The following DCC variants were observed in gnomAD, a reference collection of about 807,000 sequenced individuals.
DCC encodes the protein netrin receptor DCC.
In DCC, 58 loss-of-function variants were observed where a neutral mutation model predicts 172.5. The ratio of observed to expected loss-of-function variants is 0.34; its 90% CI spans 0.27 to 0.42. The LOEUF (loss-of-function observed/expected upper bound fraction) is 0.42, where lower values mean the gene tolerates loss of function less well. DCC is among the 10% of genes least tolerant of loss of function. The pLI is 1.00. For missense variants in DCC, 1,740 were observed against 1,791.0 expected (o/e 0.97, Z 0.51); for synonymous variants, 709 against 644.5 (o/e 1.10, Z -1.52).
In DCC at chr18:53,060,484, G is replaced by T. The variant is rs538331361; in HGVS notation, c.986-2821G>T. On this transcript the variant is annotated intron_variant, in intron 5 of 28. Coordinates refer to ENST00000442544, the MANE Select transcript of DCC (RefSeq NM_005215.4). ...TATCAAGATAGCCAGAGAAGACAAG[G>T]TGTCCAGTGTGATGACGGAAGCCTA... Among the ~76,000 whole-genome samples, 8 of 152,268 alleles carry T rather than the reference G, an allele frequency of 5.3e-5. No homozygotes were observed. The South Asian group carries it at 1.7e-3, about 32-fold the overall frequency.
chr18:53,406,770 G>A (rs544116380), intron 19 of DCC, among the ~76,000 whole-genome samples: 2 of 150,002 alleles, frequency 1.3e-5, no homozygotes, highest in Middle Eastern at 3.5e-3. Context: ...TGAGAAACCA[G>A]TACATTTGTT....
intron 5 of DCC, among the ~76,000 whole-genome samples, chr18:53,001,308 A>G (rs752181036): frequency 2.0e-5 from 3 of 152,116 alleles, no homozygotes; most frequent in African/African-American, 7.2e-5. Context: ...CTTTATGTCT[A>G]GATGTGAACT....
At chr18:53,060,408 C>A (rs1465874758) in intron 5 of DCC, among the ~76,000 whole-genome samples, 1 of 151,998 alleles carries the variant, frequency 6.6e-6, no homozygotes. Context: ...TTTTCCCTTG[C>A]CTGCTGTCTG....
At chr18:53,464,474 C>T (rs535536421) in intron 24 of DCC, among the ~76,000 whole-genome samples, 4 of 152,072 alleles carry the variant, frequency 2.6e-5, no homozygotes, top group African/African-American at 9.6e-5. Context: ...CTCATTTGGA[C>T]CAATGGTAAA....
At chr18:52,360,675 TA>T (rs938474611) in intron 1 of DCC, among the ~76,000 whole-genome samples, 4 of 152,168 alleles carry the variant, frequency 2.6e-5, no homozygotes, top group Non-Finnish European at 5.9e-5. Context: ...GTGCATGATT[TA>T]AAAAAATCAG....
At chr18:53,508,755 G>A (rs1223411520) in intron 27 of DCC, among the ~76,000 whole-genome samples, 6 of 152,126 alleles carry the variant, frequency 3.9e-5, no homozygotes, top group Non-Finnish European at 7.3e-5. Flanking sequence ...TATGAGAGAC[G>A]GTGAGCAGAG....
intron 26 of DCC, among the ~76,000 whole-genome samples, chr18:53,489,065 A>AG (rs896835686): frequency 6.6e-6 from 1 of 151,482 alleles, no homozygotes; most frequent in Non-Finnish European, 1.5e-5. Flanking sequence ...AGGCTGAGGC[A>AG]GAAAAAAAAA....
chr18:53,360,811 C>A (rs1447267314), intron 15 of DCC, among the ~76,000 whole-genome samples: 1 of 152,138 alleles, frequency 6.6e-6, no homozygotes, highest in Admixed American at 6.6e-5. Flanking sequence ...CTTCTACAAG[C>A]ATTTAGGGGA....
At chr18:52,662,760 A>C (rs992540524) in intron 1 of DCC, among the ~76,000 whole-genome samples, 3 of 152,244 alleles carry the variant, frequency 2.0e-5, no homozygotes, top group Non-Finnish European at 4.4e-5. Context: ...CTATAACAAA[A>C]TAGCATAAAC....
At chr18:52,860,795 C>T (rs563349340) in intron 2 of DCC, among the ~76,000 whole-genome samples, 30 of 152,008 alleles carry the variant, frequency 2.0e-4, no homozygotes, top group Non-Finnish European at 3.8e-4. Flanking sequence ...GTCAGGAGAC[C>T]GAGACCATCC....
At chr18:52,826,536 A>G (rs1885126882) in intron 2 of DCC, among the ~76,000 whole-genome samples, 1 of 152,046 alleles carries the variant, frequency 6.6e-6, no homozygotes, top group Admixed American at 6.6e-5. Context: ...GCTGGAGTGC[A>G]GTAGTGGGAT....
chr18:52,460,323 C>T (rs1265666580), intron 1 of DCC, among the ~76,000 whole-genome samples: 1 of 152,170 alleles, frequency 6.6e-6, no homozygotes, highest in African/African-American at 2.4e-5. Context: ...AAACCCAATA[C>T]TGCATTCTGA....
chr18:53,056,882 C>A (rs1263567940), intron 5 of DCC, among the ~76,000 whole-genome samples: 1 of 151,668 alleles, frequency 6.6e-6, no homozygotes, highest in African/African-American at 2.4e-5. Flanking sequence ...TAATTTAAAC[C>A]AACTGCATGG....
chr18:52,469,779 G>A (rs1229019204), intron 1 of DCC, among the ~76,000 whole-genome samples: 1 of 152,142 alleles, frequency 6.6e-6, no homozygotes, highest in Non-Finnish European at 1.5e-5. Context: ...GTGATTTAGA[G>A]ATCCAGGCAT....
At chr18:52,600,914 A>T (rs1202015234) in intron 1 of DCC, among the ~76,000 whole-genome samples, 3 of 152,162 alleles carry the variant, frequency 2.0e-5, no homozygotes, top group African/African-American at 7.2e-5. Flanking sequence ...CTAGTGAGTA[A>T]ATTGGGATTT....
intron 8 of DCC, among the ~76,000 whole-genome samples, chr18:53,163,246 A>G (rs534723797): frequency 2.0e-5 from 3 of 148,474 alleles, no homozygotes; most frequent in African/African-American, 7.2e-5. Flanking sequence ...GCAGAGAGAT[A>G]TGATATTCTC....
chr18:53,156,778 G>C (rs2054743432), intron 7 of DCC, among the ~76,000 whole-genome samples: 1 of 152,018 alleles, frequency 6.6e-6, no homozygotes, highest in Admixed American at 6.6e-5. Flanking sequence ...CTTCTGAATT[G>C]TAATACCGTC....
chr18:52,478,014 TCC>T (rs1989143180), intron 1 of DCC, among the ~76,000 whole-genome samples: 1 of 152,008 alleles, frequency 6.6e-6, no homozygotes, highest in Non-Finnish European at 1.5e-5. Flanking sequence ...CTCCCTTTGT[TCC>T]CCAGGCTGCT....
At chr18:52,372,815 A>G (rs1985179873) in intron 1 of DCC, among the ~76,000 whole-genome samples, 1 of 152,214 alleles carries the variant, frequency 6.6e-6, no homozygotes, top group Non-Finnish European at 1.5e-5. Flanking sequence ...TTTGATTTGT[A>G]TACCTCGGGG....
Sources: allele counts gnomAD v4.1 joint callset (sites outside exome capture counted in the v4.1 genomes callset), GRCh38; gene constraint gnomAD v4.1.1; transcripts MANE v1.5; gene names NCBI Gene and HGNC (gene_info 2026-07-23, HGNC 2026-07-21).